Variants in PTPRD observed in about 807,000 individuals in gnomAD.
The protein encoded by PTPRD is receptor-type tyrosine-protein phosphatase delta.
A neutral mutation model predicts 214.5 loss-of-function variants in PTPRD; 34 were observed. The observed-to-expected ratio is 0.16, with a 90% confidence interval of 0.12 to 0.21. The LOEUF (loss-of-function observed/expected upper bound fraction) is 0.21. PTPRD is among the 10% of genes least tolerant of loss of function. The pLI, the probability that PTPRD is intolerant of heterozygous loss-of-function variation, is 1.00. For synonymous variants in PTPRD, 1,128 were observed against 845.7 expected, an observed-to-expected ratio of 1.33 and a Z score of -5.79; for missense variants, 2,545 against 2,398.7, an observed-to-expected ratio of 1.06 and a Z score of -1.27.
At chr9:9,949,523 G>C (rs1339698130) in intron 4 of PTPRD, among the ~76,000 whole-genome samples, 2 of 152,086 alleles carry the variant, frequency 1.3e-5, no homozygotes, top group Admixed American at 6.6e-5. Context: ...CTCGTAGGGA[G>C]TTAATGATTT....
chr9:9,223,313 C>T (rs1367068474), intron 9 of PTPRD, among the ~76,000 whole-genome samples: 1 of 151,874 alleles, frequency 6.6e-6, no homozygotes, highest in East Asian at 1.9e-4. Flanking sequence ...TTCATGAAAA[C>T]CACACCCCAC....
chr9:9,468,264 A>G (rs1197499251), intron 8 of PTPRD, among the ~76,000 whole-genome samples: 1 of 151,966 alleles, frequency 6.6e-6, no homozygotes, highest in African/African-American at 2.4e-5. Context: ...TTCATTTCCT[A>G]TAATATTTCA....
chr9:10,293,745 G>T (rs1475646209), intron 3 of PTPRD, among the ~76,000 whole-genome samples: 1 of 152,056 alleles, frequency 6.6e-6, no homozygotes, highest in African/African-American at 2.4e-5. Flanking sequence ...GTTTTGAGAT[G>T]TAATTCTAGC....
intron 8 of PTPRD, among the ~76,000 whole-genome samples, chr9:9,514,143 G>A (rs748159645): frequency 1.3e-5 from 2 of 152,016 alleles, no homozygotes; most frequent in Non-Finnish European, 2.9e-5. Context: ...CCTTTTGGTG[G>A]ATGACAGAAA....
chr9:9,512,763 G>T (rs1179813874), intron 8 of PTPRD, among the ~76,000 whole-genome samples: 1 of 151,188 alleles, frequency 6.6e-6, no homozygotes, highest in Non-Finnish European at 1.5e-5. Context: ...AATTTGACTG[G>T]CTCCATAGTA....
At chr9:9,685,244 G>A (rs1341485872) in intron 7 of PTPRD, among the ~76,000 whole-genome samples, 1 of 145,520 alleles carries the variant, frequency 6.9e-6, no homozygotes, top group African/African-American at 2.6e-5. Context: ...TTTTTGTATA[G>A]CATATATATT....
At chr9:9,873,773 T>A (rs1324438011) in intron 5 of PTPRD, among the ~76,000 whole-genome samples, 2 of 152,184 alleles carry the variant, frequency 1.3e-5, no homozygotes, top group African/African-American at 4.8e-5. Flanking sequence ...AGGCTCATAT[T>A]TCTGAGTATC....
intron 8 of PTPRD, among the ~76,000 whole-genome samples, chr9:9,439,087 G>T (rs1368048771): frequency 1.3e-5 from 2 of 151,924 alleles, no homozygotes; most frequent in Non-Finnish European, 2.9e-5. Flanking sequence ...TCCTTTCAAA[G>T]ATAAGAATTC....
intron 2 of PTPRD, among the ~76,000 whole-genome samples, chr9:10,485,407 G>C (rs530316525): frequency 6.6e-6 from 1 of 151,956 alleles, no homozygotes; most frequent in African/African-American, 2.4e-5. Context: ...AATGTCATTG[G>C]CATTTTGACA....
intron 11 of PTPRD, among the ~76,000 whole-genome samples, chr9:8,879,678 C>A (rs532832743): frequency 6.6e-6 from 1 of 152,292 alleles, no homozygotes; most frequent in African/African-American, 2.4e-5. Flanking sequence ...TGATTTGAAA[C>A]AGAATCCTGG....
intron 3 of PTPRD, among the ~76,000 whole-genome samples, chr9:10,289,424 G>C (rs1487154657): frequency 1.3e-5 from 2 of 152,122 alleles, no homozygotes; most frequent in Non-Finnish European, 2.9e-5. Flanking sequence ...ACCCTGCTTA[G>C]GTTGATGTGA....
At chr9:10,237,345 G>C (rs1284917067) in intron 3 of PTPRD, among the ~76,000 whole-genome samples, 1 of 151,796 alleles carries the variant, frequency 6.6e-6, no homozygotes, top group Non-Finnish European at 1.5e-5. Flanking sequence ...TCATTGTTAT[G>C]CTGAATTAAT....
At chr9:8,599,495 C>G (rs987814573) in intron 14 of PTPRD, among the ~76,000 whole-genome samples, 1 of 151,296 alleles carries the variant, frequency 6.6e-6, no homozygotes, top group African/African-American at 2.4e-5. Context: ...TTTTTTGATA[C>G]TTTTTTTTCT....
chr9:8,720,082 G>A (rs2098476001), intron 12 of PTPRD, among the ~76,000 whole-genome samples: 1 of 152,194 alleles, frequency 6.6e-6, no homozygotes, highest in Non-Finnish European at 1.5e-5. Flanking sequence ...CTTCCCTCCA[G>A]GCCTCAGCTA....
At chr9:8,332,163 A>G (rs915630328) in intron 43 of PTPRD, among the ~76,000 whole-genome samples, 2 of 152,198 alleles carry the variant, frequency 1.3e-5, no homozygotes, top group Admixed American at 6.5e-5. Flanking sequence ...TTACTTTGTA[A>G]TAAATATTGA....
intron 10 of PTPRD, among the ~76,000 whole-genome samples, chr9:9,052,744 C>A (rs192126727): frequency 6.6e-6 from 1 of 152,324 alleles, no homozygotes; most frequent in African/African-American, 2.4e-5. Flanking sequence ...AAAGAAGTCA[C>A]TGATTCCCAA....
At chr9:10,064,020 G>GT (rs570569417) in intron 3 of PTPRD, among the ~76,000 whole-genome samples, 3,520 of 148,388 alleles carry the variant, frequency 0.024, 134 homozygotes, top group African/African-American at 0.075. Flanking sequence ...TATATTTTCT[G>GT]TTTTTTTTTC....
chr9:8,910,116 G>A (rs1013313444), intron 11 of PTPRD, among the ~76,000 whole-genome samples: 4 of 151,958 alleles, frequency 2.6e-5, no homozygotes, highest in African/African-American at 7.3e-5. Context: ...TCGGCTCACT[G>A]CAAGCTCTGC....
intron 7 of PTPRD, among the ~76,000 whole-genome samples, chr9:9,716,486 C>G (rs2097835492): frequency 6.6e-6 from 1 of 151,944 alleles, no homozygotes; most frequent in Admixed American, 6.6e-5. Context: ...TAAAAGTGTT[C>G]CTATTTCTCC....
Sources: allele counts gnomAD v4.1 joint callset (sites outside exome capture counted in the v4.1 genomes callset), GRCh38; gene constraint gnomAD v4.1.1; transcripts MANE v1.5; gene names NCBI Gene and HGNC (gene_info 2026-07-23, HGNC 2026-07-21).